Variants in IQCH observed in about 807,000 individuals in gnomAD.
IQCH encodes the protein IQ motif containing H.
In IQCH, 98 loss-of-function variants were observed where a neutral mutation model predicts 117.0. That is an observed-to-expected ratio of 0.84 (90% CI 0.71 to 0.99). The LOEUF (loss-of-function observed/expected upper bound fraction) is 0.99, where lower values mean the gene tolerates loss of function less well. Ranked by LOEUF, IQCH falls within the 50% of genes least tolerant of loss-of-function variation. IQCH has a pLI of 0.00. For missense variants in IQCH, 1,102 were observed against 1,243.8 expected, an observed-to-expected ratio of 0.89 and a Z score of 1.72; for synonymous variants, 412 against 448.2, an observed-to-expected ratio of 0.92 and a Z score of 1.02.
At position 67,366,995 on chromosome 15, in the gene IQCH, TAAA is replaced by T. The variant is rs935437705; in HGVS notation, c.754-5113_754-5111del. Reference sequence around the variant, plus strand: ...GGCTTTACTGGCTCCAGAAGTTTATTAAAAAGCCAATACCCCTGCAGGGGTGAC... The same window carrying T: ...GGCTTTACTGGCTCCAGAAGTTTATTAAGCCAATACCCCTGCAGGGGTGAC... On this transcript the variant is annotated intron_variant, in intron 8 of 20. Transcript: ENST00000335894. This position sits in a 1 kb window ranked among gnomAD's most constrained non-coding sequence, Gnocchi z 4.4. Among the ~76,000 whole-genome samples, 12 of 152,112 alleles carry T rather than the reference TAAA, an allele frequency of 7.9e-5. No individual in the cohort carries two copies. The highest frequency in any genetic ancestry group is 2.9e-4 in the African/African-American group (12 of 41,400).
rs2140684834 is a variant in IQCH, at chr15:67,344,198, T to C, written c.637+7T>C. The stretch of plus-strand genomic sequence containing the variant: ...CGTAAGATTCCAACTGTAGGTAAGA[T>C]ACTCATGCATCTCAGTTCAGTTGGG... On this transcript the variant is annotated splice_region_variant and intron_variant, in intron 6 of 20. Transcript: ENST00000335894. The C allele has an allele frequency of 6.2e-7, 1 of 1,612,362 alleles. No individual in the cohort carries two copies.
rs1232351300 is a variant in IQCH at position 67,283,150 on chromosome 15, A to AT, written c.387+3638_387+3639insT. On this transcript the variant is annotated intron_variant, in intron 4 of 20. Transcript: ENST00000335894. ...TTTTTCCTCCAAATTTATCAGTAAT[A>AT]CATGCTTGTTGTTGTGACAAACATA... 2.9e-4 allele frequency among the ~76,000 whole-genome samples: 44 copies of AT among 152,342 alleles called. 1 individual carries two copies. The highest frequency in any genetic ancestry group is 1.0e-3 in the African/African-American group (42 of 41,574).
At chr15:67,419,285 A>C (rs2081661219) in intron 15 of IQCH, among the ~76,000 whole-genome samples, 1 of 152,202 alleles carries the variant, frequency 6.6e-6, no homozygotes, top group Admixed American at 6.5e-5. Flanking sequence ...ACATTTAAAA[A>C]ACCTGGTTCT....
At chr15:67,321,562 TCTCTCCCTTTCTTC>T (rs770363061) in intron 4 of IQCH, among the ~76,000 whole-genome samples, 11 of 151,128 alleles carry the variant, frequency 7.3e-5, no homozygotes, top group African/African-American at 1.9e-4. Context: ...TTCCTTTCTT[TCTCTCCCTTTCTTC>T]CTCTCCCTTT....
chr15:67,470,553 C>T (rs1194665393), intron 17 of IQCH, among the ~76,000 whole-genome samples: 1 of 152,080 alleles, frequency 6.6e-6, no homozygotes, highest in Non-Finnish European at 1.5e-5. Flanking sequence ...AAGCAAATAA[C>T]ACGGCATGGA....
chr15:67,284,224 T>G (rs2140485706), intron 4 of IQCH, among the ~76,000 whole-genome samples: 1 of 152,274 alleles, frequency 6.6e-6, no homozygotes, highest in South Asian at 2.1e-4. Context: ...GTAACTATCC[T>G]TCTACTTTCC....
chr15:67,446,021 C>T (rs1043821896), intron 16 of IQCH, among the ~76,000 whole-genome samples: 5 of 152,172 alleles, frequency 3.3e-5, no homozygotes, highest in Admixed American at 2.0e-4. Context: ...AACTAAGTTC[C>T]GAAGTCAAAT....
At chr15:67,461,762 T>C (rs7166120) in intron 16 of IQCH, among the ~76,000 whole-genome samples, 151,965 of 152,304 alleles carry the variant, frequency 1, 75,814 homozygotes, top group Non-Finnish European at 1. Context: ...TGTCTTCATC[T>C]GTAAAATGGA....
In IQCH at chr15:67,406,774, C is replaced by T. The variant is rs781678750; in HGVS notation, c.2097+6469C>T. 1 of 152,166 alleles carries T rather than the reference C, an allele frequency of 6.6e-6. No individual in the cohort carries two copies. The highest frequency in any genetic ancestry group is 1.5e-5 in the Non-Finnish European group (1 of 68,050). The allele number at this position is 152,166 out of a possible 1,614,324, so 9.4% of individuals were successfully genotyped here. The stretch of plus-strand genomic sequence containing the variant: ...CTATAGGCAAATTACTTCAGCTCTC[C>T]AAGTCTCCCTTTCTCTATCTGTAAA... On this transcript the variant is annotated intron_variant, in intron 14 of 20. Coordinates refer to ENST00000335894, the MANE Select transcript of IQCH (RefSeq NM_001031715.3). This position sits in a 1 kb window ranked among gnomAD's most constrained non-coding sequence, Gnocchi z 4.5.
intron 4 of IQCH, among the ~76,000 whole-genome samples, chr15:67,318,374 T>A (rs1359382964): frequency 6.6e-6 from 1 of 152,212 alleles, no homozygotes; most frequent in African/African-American, 2.4e-5. Flanking sequence ...TCCAAAACTT[T>A]AATGAACAAC....
In IQCH at chr15:67,395,119, A is replaced by G. The variant is rs1199026569; in HGVS notation, c.1633-172A>G. ...TTCCAACACACTAAAGATGTGAGCGATTATGGAACCTCACCCCAACAGCTT... is the reference window on the plus strand; with the variant it reads ...TTCCAACACACTAAAGATGTGAGCGGTTATGGAACCTCACCCCAACAGCTT... On this transcript the variant is annotated intron_variant, in intron 12 of 20. Transcript: ENST00000335894. This position sits in a 1 kb window ranked among gnomAD's most constrained non-coding sequence, Gnocchi z 4.0. 1.3e-5 allele frequency among the ~76,000 whole-genome samples: 2 copies of G among 152,156 alleles called. No individual in the cohort carries two copies. Among genetic ancestry groups the G allele is most frequent in the African/African-American group, 4.8e-5 (2 of 41,430 alleles).
Position 67,468,141 on chromosome 15 carries a change from G to A in IQCH, c.2676+2844G>A, listed in dbSNP as rs74740032. On this transcript the variant is annotated intron_variant, in intron 17 of 20. Coordinates refer to ENST00000335894, the MANE Select transcript of IQCH (RefSeq NM_001031715.3). ...TTTCAATTAATGTTCTGTCCAAACC[G>A]GCATCAATCATTACCCTTTTCTGTC... 7.9e-3 allele frequency among the ~76,000 whole-genome samples: 1,196 copies of A among 152,220 alleles called. 13 individuals carry two copies. The highest frequency in any genetic ancestry group is 0.025 in the African/African-American group (1,059 of 41,536).
intron 4 of IQCH, among the ~76,000 whole-genome samples, chr15:67,300,915 T>C (rs1428179409): frequency 6.6e-6 from 1 of 152,184 alleles, no homozygotes; most frequent in Non-Finnish European, 1.5e-5. Flanking sequence ...ACTGATGAGA[T>C]GAAAATTGAG....
intron 4 of IQCH, among the ~76,000 whole-genome samples, chr15:67,297,773 C>T (rs1355985655): frequency 6.6e-6 from 1 of 152,094 alleles, no homozygotes; most frequent in Non-Finnish European, 1.5e-5. Flanking sequence ...TAAAAAATGT[C>T]ATTTAAAGAT....
chr15:67,291,346 T>A (rs770459125), intron 4 of IQCH, among the ~76,000 whole-genome samples: 11 of 152,162 alleles, frequency 7.2e-5, no homozygotes, highest in Non-Finnish European at 1.0e-4. Flanking sequence ...GGTATTATTA[T>A]GATTATTAAC....
chr15:67,290,121 C>T (rs993902344), intron 4 of IQCH, among the ~76,000 whole-genome samples: 9 of 152,152 alleles, frequency 5.9e-5, no homozygotes, highest in African/African-American at 2.2e-4. Context: ...ATTTGGTCCA[C>T]GTCATAATTT....
At chr15:67,438,743 G>A (rs971743244) in intron 16 of IQCH, among the ~76,000 whole-genome samples, 1 of 152,154 alleles carries the variant, frequency 6.6e-6, no homozygotes, top group Non-Finnish European at 1.5e-5. Flanking sequence ...CACCAAAAGC[G>A]AGCAGGGGTA....
chr15:67,279,074 A>G (rs1479170248), intron 3 of IQCH, among the ~76,000 whole-genome samples: 1 of 152,204 alleles, frequency 6.6e-6, no homozygotes. Context: ...ACAAAATACA[A>G]CATTATGTAT....
At chr15:67,360,122 G>A in intron 8 of IQCH, 2 of 443,504 alleles carry the variant, frequency 4.5e-6, no homozygotes, top group Non-Finnish European at 3.9e-6. Flanking sequence ...TCAGGCTTCA[G>A]TCCAAACAAA....
Sources: gnomAD v4.1 joint callset for allele counts (sites outside exome capture counted in the v4.1 genomes callset) on GRCh38, gnomAD v4.1.1 for gene constraint, Gnocchi (gnomAD v3.1) non-coding constraint, MANE v1.5 for transcripts, NCBI Gene and HGNC (gene_info 2026-07-23, HGNC 2026-07-21) for gene names.